TMEM165: variants seen among roughly 807,000 people sequenced by gnomAD.
The protein encoded by TMEM165 is putative divalent cation/proton antiporter TMEM165.
A neutral mutation model predicts 30.0 loss-of-function variants in TMEM165; 19 were observed. The ratio of observed to expected loss-of-function variants is 0.63; its 90% CI spans 0.44 to 0.93. The LOEUF is 0.93. TMEM165 is among the 40% of genes least tolerant of loss of function. The pLI, the probability that TMEM165 is intolerant of heterozygous loss-of-function variation, is 0.00. For synonymous variants in TMEM165, 168 were observed against 162.9 expected (o/e 1.03, Z -0.24); for missense variants, 340 against 417.0 (o/e 0.82, Z 1.61).
downstream of TMEM165, chr4:55,430,973 T>G (rs1722461356): frequency 6.6e-6 from 1 of 152,216 alleles, no homozygotes; most frequent in Non-Finnish European, 1.5e-5. Flanking sequence ...CAACTACGGT[T>G]CACTGGACCT....
intron 1 of TMEM165, chr4:55,403,337 A>G: frequency 7.9e-7 from 1 of 1,266,226 alleles, no homozygotes; most frequent in Middle Eastern, 2.3e-4. Flanking sequence ...ATTCCGATGC[A>G]GGTATCTGTA....
intron 3 of TMEM165, among the ~76,000 whole-genome samples, chr4:55,436,502 A>G (rs980543638): frequency 1.3e-5 from 2 of 152,232 alleles, no homozygotes; most frequent in Non-Finnish European, 2.9e-5. Context: ...TTTTACAATG[A>G]AAGTCCTTTC....
chr4:55,450,107 G>T (rs762362672), intron 3 of TMEM165: 1 of 1,614,078 alleles, frequency 6.2e-7, no homozygotes, highest in South Asian at 1.1e-5. Context: ...GGTCTGAGAC[G>T]GCCGTGTGAG....
downstream of TMEM165, among the ~76,000 whole-genome samples, chr4:55,427,053 TG>T (rs1420367680): frequency 2.1e-5 from 3 of 143,958 alleles, no homozygotes; most frequent in East Asian, 2.1e-4. Context: ...TTTTTTTTTT[TG>T]AGAGAGTCTC....
At chr4:55,410,190 C>T (rs1012391954) in intron 1 of TMEM165, among the ~76,000 whole-genome samples, 1 of 152,138 alleles carries the variant, frequency 6.6e-6, no homozygotes, top group African/African-American at 2.4e-5. Context: ...GGTTCAGTAA[C>T]TTGCCATCCC....
chr4:55,451,264 T>G (rs1724424089), intron 3 of TMEM165, among the ~76,000 whole-genome samples: 2 of 152,218 alleles, frequency 1.3e-5, no homozygotes, highest in Admixed American at 1.3e-4. Flanking sequence ...AAGTTAATGC[T>G]CAGTTCTCAA....
At chr4:55,397,941 C>CT (rs1242727384) in intron 1 of TMEM165, among the ~76,000 whole-genome samples, 2 of 151,562 alleles carry the variant, frequency 1.3e-5, no homozygotes, top group African/African-American at 4.9e-5. Context: ...GGAGGTCTCA[C>CT]TATGTTGCCG....
intron 5 of TMEM165, 136 bp downstream of exon 5, chr4:55,424,779 T>C: frequency 1.9e-6 from 1 of 540,158 alleles, no homozygotes; most frequent in Non-Finnish European, 3.2e-6. Context: ...CTTATAGAGG[T>C]ATTAATCCTG....
chr4:55,402,659 G>T (rs1181182809), intron 1 of TMEM165, among the ~76,000 whole-genome samples: 2 of 145,286 alleles, frequency 1.4e-5, no homozygotes, highest in Non-Finnish European at 3.0e-5. Flanking sequence ...CGTTGGCCAG[G>T]CTGGTCTCAA....
chr4:55,402,434 T>TATATATATATATA (rs1224256602), intron 1 of TMEM165, among the ~76,000 whole-genome samples: 15 of 27,034 alleles, frequency 5.5e-4, no homozygotes, highest in Admixed American at 1.3e-3. Flanking sequence ...TATATATATA[T>TATATATATATATA]TTTTTTTTTT....
At chr4:55,415,319 T>C (rs780626306) in intron 2 of TMEM165, 1 of 152,200 alleles carries the variant, frequency 6.6e-6, no homozygotes, top group African/African-American at 2.4e-5. Context: ...AATTATCCGA[T>C]GTTAGGCCAG....
intron 4 of TMEM165, among the ~76,000 whole-genome samples, chr4:55,420,977 C>T (rs2109559391): frequency 6.6e-6 from 1 of 150,626 alleles, no homozygotes; most frequent in South Asian, 2.2e-4. Flanking sequence ...GCAGGCAAAT[C>T]ACCTGAGGTC....
intron 3 of TMEM165, among the ~76,000 whole-genome samples, chr4:55,447,363 C>CA (rs113812191): frequency 3.3e-5 from 5 of 150,484 alleles, no homozygotes; most frequent in African/African-American, 4.9e-5. Flanking sequence ...GGCGTCGTCT[C>CA]AAAAAAAAAT....
intron 3 of TMEM165, among the ~76,000 whole-genome samples, chr4:55,447,800 A>C (rs1248571239): frequency 6.6e-6 from 1 of 152,262 alleles, no homozygotes; most frequent in Non-Finnish European, 1.5e-5. Flanking sequence ...ACCTATTATT[A>C]ATGATCATTC....
intron 3 of TMEM165, chr4:55,444,494 A>G: frequency 1.0e-6 from 1 of 956,418 alleles, no homozygotes; most frequent in Non-Finnish European, 1.7e-6. Flanking sequence ...CATACTGAGT[A>G]GGTAACCAGT....
chr4:55,447,613 T>C (rs1309492442), intron 3 of TMEM165, among the ~76,000 whole-genome samples: 1 of 152,176 alleles, frequency 6.6e-6, no homozygotes, highest in African/African-American at 2.4e-5. Context: ...ACTAACATTT[T>C]TGACATAGTA....
chr4:55,438,271 G>A (rs984553577), intron 3 of TMEM165: 1 of 1,613,860 alleles, frequency 6.2e-7, no homozygotes, highest in Non-Finnish European at 8.5e-7. Context: ...CTTCCCCATG[G>A]GGAGAATTAC....
chr4:55,448,643 T>TGTGTGTGC, intron 3 of TMEM165: 1 of 579,620 alleles, frequency 1.7e-6, no homozygotes, highest in Non-Finnish European at 3.2e-6. Flanking sequence ...TGTGTGTGTG[T>TGTGTGTGC]GCTCCTACCT....
At chr4:55,449,341 A>C in intron 3 of TMEM165, 1 of 1,455,176 alleles carries the variant, frequency 6.9e-7, no homozygotes. Flanking sequence ...GATTTAGATC[A>C]TTTTTCCCCT....
Sources: allele counts gnomAD v4.1 joint callset (sites outside exome capture counted in the v4.1 genomes callset), GRCh38; gene constraint gnomAD v4.1.1; transcripts MANE v1.5; gene names NCBI Gene and HGNC (gene_info 2026-07-23, HGNC 2026-07-21).